CCDC27: variants seen among roughly 807,000 people sequenced by gnomAD.
The protein encoded by CCDC27 is coiled-coil domain containing 27, also known as coiled-coil domain-containing protein 27.
CCDC27 carries 80 observed loss-of-function variants against 80.3 expected under a neutral mutation model. The observed-to-expected ratio is 1.00, with a 90% CI of 0.83 to 1.20. The LOEUF (loss-of-function observed/expected upper bound fraction) is 1.20, where lower values mean the gene tolerates loss of function less well. Ranked by LOEUF, CCDC27 falls within the 50% of genes most tolerant of loss-of-function variation. The pLI is 0.00. For missense variants in CCDC27, 815 were observed against 809.4 expected, an observed-to-expected ratio of 1.01 and a Z score of -0.08; for synonymous variants, 342 against 334.3, an observed-to-expected ratio of 1.02 and a Z score of -0.25.
At position 3,754,137 on chromosome 1, in the gene CCDC27, C is replaced by T. The variant is rs201785236; in HGVS notation, c.338C>T (p.Ala113Val). 1.9e-6 allele frequency: 3 copies of T among 1,613,668 alleles called. No homozygotes were observed. Among genetic ancestry groups the T allele is most frequent in the Non-Finnish European group, 2.5e-6 (3 of 1,179,852 alleles). Reference protein sequence around the residue: ...YRKTSEPKDAASLTGFMSKME... With the variant: ...YRKTSEPKDAVSLTGFMSKME... Reference sequence around the variant, plus strand: ...TGCCAGAGTGAACCCAAGGATGCCGCCAGCCTCACCGGCTTCATGTCCAAA... The same window carrying T: ...TGCCAGAGTGAACCCAAGGATGCCGTCAGCCTCACCGGCTTCATGTCCAAA... Residue 113 changes from alanine (A) to valine (V), a missense_variant, in exon 2 of 12, where the codon GCC becomes GTC. Physicochemically the swap from Ala to Val is moderately conservative, Grantham distance 64. Transcript: ENST00000294600.
At chr1:3,764,600 C>T (rs1406953700) in intron 8 of CCDC27, among the ~76,000 whole-genome samples, 2 of 152,200 alleles carry the variant, frequency 1.3e-5, no homozygotes. Flanking sequence ...GTCTCACACA[C>T]ATACATAAAT....
chr1:3,756,895 T>C lies in CCDC27; in HGVS notation c.711+5T>C, dbSNP rs1056658456. On this transcript the variant is annotated splice_donor_5th_base_variant and intron_variant, in intron 4 of 11. Transcript: ENST00000294600. ...CTCTCAGTCATCCACGAGAAGGTAC[T>C]GGCGGAGGGGGTGCAAATCCCGGCC... 1.2e-6 allele frequency: 2 copies of C among 1,606,858 alleles called. No individual in the cohort carries two copies. Among genetic ancestry groups the C allele is most frequent in the Admixed American group, 3.3e-5 (2 of 59,852 alleles).
rs1177505656 is a variant in CCDC27 at position 3,761,531 on chromosome 1, G to C, written c.861+101G>C. 4 of 1,396,672 alleles carry C rather than the reference G, an allele frequency of 2.9e-6. No homozygotes were observed. The highest frequency in any genetic ancestry group is 3.9e-6 in the Non-Finnish European group (4 of 1,031,058). The allele number at this position is 1,396,672 out of a possible 1,614,324, so 86.5% of individuals were successfully genotyped here. Reference sequence around the variant, plus strand: ...ACACAGGCCCCTGGCAAACCCCCAGGCCCCCTGGATCCTATCAGGTCCTCA... The same window carrying C: ...ACACAGGCCCCTGGCAAACCCCCAGCCCCCCTGGATCCTATCAGGTCCTCA... On this transcript the variant is annotated intron_variant, in intron 5 of 11. Coordinates refer to ENST00000294600, the MANE Select transcript of CCDC27 (RefSeq NM_152492.3). The surrounding 1 kb of genome is among the most constrained non-coding windows in gnomAD (Gnocchi z 5.0).
intron 3 of CCDC27, 50 bp downstream of exon 3, chr1:3,755,617 C>T (rs778417322): frequency 4.0e-5 from 58 of 1,457,240 alleles, no homozygotes; most frequent in Middle Eastern, 3.5e-4. Flanking sequence ...CCCCTGAGCT[C>T]GAGGCCTGCT....
In CCDC27 at chr1:3,769,989, C is replaced by T. The variant is rs1643322193; in HGVS notation, c.1848+102C>T. On this transcript the variant is annotated intron_variant, in intron 11 of 11. Coordinates refer to ENST00000294600, the MANE Select transcript of CCDC27 (RefSeq NM_152492.3). The surrounding 1 kb of genome is among the most constrained non-coding windows in gnomAD (Gnocchi z 4.6). ...GCCTAGATTCCAGGGACTCTGTTCT[C>T]ATCCTACCTGTGTCACCTATTCACT... is the stretch of plus-strand genomic sequence containing the variant. 4.9e-6 allele frequency: 4 copies of T among 821,060 alleles called. No individual in the cohort carries two copies. The highest frequency in any genetic ancestry group is 8.5e-6 in the Non-Finnish European group (4 of 473,040). 50.9% of individuals were successfully genotyped at this position (821,060 alleles called of 1,614,324 possible).
rs991717235 is a variant in CCDC27 at position 3,766,863 on chromosome 1, A to G, written c.1530+251A>G. ...TTTTTTTTTTTTTTTTTTTTTTGAG[A>G]CAGAGTCCTGCTCCGTCACCAGGCT... On this transcript the variant is annotated intron_variant, in intron 9 of 11. Coordinates refer to ENST00000294600, the MANE Select transcript of CCDC27 (RefSeq NM_152492.3). The surrounding 1 kb of genome is among the most constrained non-coding windows in gnomAD (Gnocchi z 6.1). Among the ~76,000 whole-genome samples, 2 of 115,776 alleles carry G rather than the reference A, an allele frequency of 1.7e-5. No individual in the cohort carries two copies. Among genetic ancestry groups the G allele is most frequent in the African/African-American group, 3.6e-5 (1 of 27,716 alleles). The allele number at this position is 115,776 out of a possible 152,430, so 76.0% of individuals were successfully genotyped here.
chr1:3,754,288 C>T lies in CCDC27; in HGVS notation c.442+47C>T, dbSNP rs763521276. ...CGCCTGTGAAACTGCCTGTCAGAGTCGAGGGGCCGGGGGAGGCCTTCCTGC... is the reference window on the plus strand; with the variant it reads ...CGCCTGTGAAACTGCCTGTCAGAGTTGAGGGGCCGGGGGAGGCCTTCCTGC... On this transcript the variant is annotated intron_variant, in intron 2 of 11. Coordinates refer to ENST00000294600, the MANE Select transcript of CCDC27 (RefSeq NM_152492.3). The T allele has an allele frequency of 1.0e-5, 16 of 1,524,142 alleles. 1 individual carries two copies. The South Asian group carries it at 1.3e-4, about 12-fold the overall frequency. 94.4% of individuals were successfully genotyped at this position (1,524,142 alleles called of 1,614,324 possible). A position where few individuals can be genotyped will look rare whatever the true frequency, so the allele number is the denominator to read the frequency against.
chr1:3,769,251 G>A lies in CCDC27; in HGVS notation c.1744-532G>A, dbSNP rs1643302818. Reference sequence around the variant, plus strand: ...GGATCTTCATGGCAGCAGAAGACGAGAACGCCTTCTGGGTCTGTGCGCGGG... The same window carrying A: ...GGATCTTCATGGCAGCAGAAGACGAAAACGCCTTCTGGGTCTGTGCGCGGG... On this transcript the variant is annotated intron_variant, in intron 10 of 11. Coordinates refer to ENST00000294600, the MANE Select transcript of CCDC27 (RefSeq NM_152492.3). This position sits in a 1 kb window ranked among gnomAD's most constrained non-coding sequence, Gnocchi z 4.6. Among the ~76,000 whole-genome samples the A allele has an allele frequency of 6.6e-6, 1 of 152,176 alleles. No individual in the cohort carries two copies. The highest frequency in any genetic ancestry group is 2.4e-5 in the African/African-American group (1 of 41,436).
chr1:3,755,010 T>C (rs1642917063), intron 2 of CCDC27, among the ~76,000 whole-genome samples: 1 of 152,026 alleles, frequency 6.6e-6, no homozygotes, highest in Admixed American at 6.5e-5. Flanking sequence ...GGCAGGTCTC[T>C]GGGGAGGCTG....
Position 3,763,858 on chromosome 1 carries a change from GC to G in CCDC27, c.1452+24del. On this transcript the variant is annotated intron_variant, in intron 8 of 11. Coordinates refer to ENST00000294600, the MANE Select transcript of CCDC27 (RefSeq NM_152492.3). This position sits in a 1 kb window ranked among gnomAD's most constrained non-coding sequence, Gnocchi z 7.5. ...CAAGGTGGCCGTGCGCTCAGTACCG[GC>G]CTCCGCTCCATGAGCATGGGCCCCA... is the stretch of plus-strand genomic sequence containing the variant. 1 of 1,611,008 alleles carries G rather than the reference GC, an allele frequency of 6.2e-7. No individual in the cohort carries two copies. Among genetic ancestry groups the G allele is most frequent in the Non-Finnish European group, 8.5e-7 (1 of 1,177,940 alleles).
chr1:3,761,424 C>A lies in CCDC27; in HGVS notation c.855C>A (p.Gly285=). The change falls in exon 5 of 12, where the codon GGC becomes GGA. Residue 285 remains glycine, a synonymous_variant. Transcript: ENST00000294600. This position sits in a 1 kb window ranked among gnomAD's most constrained non-coding sequence, Gnocchi z 5.0. ...GKGQETSMSP[G]RREQLSDASL... ...GCCAAGAGACATCCATGTCCCCAGG[C>A]AGGAGGGTGAGCCAGCCCCAGCGGG... The A allele has an allele frequency of 6.2e-7, 1 of 1,613,584 alleles. No homozygotes were observed. The highest frequency in any genetic ancestry group is 1.3e-5 in the African/African-American group (1 of 75,044).
rs368763079 is a variant in CCDC27, at chr1:3,763,770, G to A, written c.1386G>A (p.Thr462=). The change falls in exon 8 of 12, where the codon ACG becomes ACA. Residue 462 remains threonine, a synonymous_variant. Coordinates refer to ENST00000294600, the MANE Select transcript of CCDC27 (RefSeq NM_152492.3). The surrounding 1 kb of genome is among the most constrained non-coding windows in gnomAD (Gnocchi z 7.5). ...FQETQLRKIN[T]ENETLQKELR... ...AAACCCAGCTGCGAAAGATCAATAC[G>A]GAAAATGAGACGCTGCAGAAGGAGC... The A allele has an allele frequency of 6.9e-5, 111 of 1,614,062 alleles. No homozygotes were observed. The highest frequency in any genetic ancestry group is 8.6e-5 in the Non-Finnish European group (102 of 1,180,022).
At position 3,763,735 on chromosome 1, in the gene CCDC27, G is replaced by A. The variant is rs1231462638; in HGVS notation, c.1351G>A (p.Asp451Asn). Residue 451 changes from aspartate to asparagine, a missense_variant, in exon 8 of 12, where the codon GAT becomes AAT. Transcript: ENST00000294600. The surrounding 1 kb of genome is among the most constrained non-coding windows in gnomAD (Gnocchi z 7.5). ...GATTGCGTCTTTACAACAACAAGTG[G>A]ATTTCCAAGAAACCCAGCTGCGAAA... ...GVIASLQQQVDFQETQLRKIN... is the reference protein window; with the variant it reads ...GVIASLQQQVNFQETQLRKIN... 2 of 1,614,000 alleles carry A rather than the reference G, an allele frequency of 1.2e-6. No individual in the cohort carries two copies. Among genetic ancestry groups the A allele is most frequent in the African/African-American group, 1.3e-5 (1 of 74,918 alleles).
intron 2 of CCDC27, among the ~76,000 whole-genome samples, chr1:3,754,527 G>T (rs962482309): frequency 2.0e-5 from 3 of 152,170 alleles, no homozygotes; most frequent in Non-Finnish European, 4.4e-5. Flanking sequence ...AGGGTCAGGG[G>T]CTAGGGGAGT....
intron 1 of CCDC27, among the ~76,000 whole-genome samples, chr1:3,753,071 T>G (rs1276163349): frequency 6.6e-6 from 1 of 152,152 alleles, no homozygotes; most frequent in East Asian, 1.9e-4. Flanking sequence ...CCTCCCCTCT[T>G]GCAGACCTTG....
chr1:3,763,052 T>C lies in CCDC27; in HGVS notation c.955-56T>C, dbSNP rs550867474. ...GCCCCCGCCATGAGCATTAGAGCCC[T>C]CTGCCCTGGGGGTGCCCCGCAGCCC... is the stretch of plus-strand genomic sequence containing the variant. On this transcript the variant is annotated intron_variant, in intron 6 of 11. Coordinates refer to ENST00000294600, the MANE Select transcript of CCDC27 (RefSeq NM_152492.3). This position sits in a 1 kb window ranked among gnomAD's most constrained non-coding sequence, Gnocchi z 7.5. 1.5e-5 allele frequency: 21 copies of C among 1,442,228 alleles called. No individual in the cohort carries two copies. The African/African-American group carries it at 2.9e-4, about 20-fold the overall frequency. The allele number at this position is 1,442,228 out of a possible 1,614,324, so 89.3% of individuals were successfully genotyped here. A position where few individuals can be genotyped will look rare whatever the true frequency, so the allele number is the denominator to read the frequency against.
chr1:3,755,043 C>G (rs72846550), intron 2 of CCDC27, among the ~76,000 whole-genome samples: 16,786 of 152,088 alleles, frequency 0.11, 2,963 homozygotes, highest in African/African-American at 0.38. Context: ...GTGTCCTGGG[C>G]GTGGGGTCTG....
rs1054124389 is a variant in CCDC27 at position 3,760,576 on chromosome 1, A to G, written c.712-705A>G. ...TTGATGTGTCCGGATGTTCATTATCAGTTTAAAATGTTTCTAGCTTTCCTT... is the reference window on the plus strand; with the variant it reads ...TTGATGTGTCCGGATGTTCATTATCGGTTTAAAATGTTTCTAGCTTTCCTT... On this transcript the variant is annotated intron_variant, in intron 4 of 11. Transcript: ENST00000294600. The surrounding 1 kb of genome is among the most constrained non-coding windows in gnomAD (Gnocchi z 4.3). 3.3e-5 allele frequency among the ~76,000 whole-genome samples: 5 copies of G among 152,210 alleles called. No individual in the cohort carries two copies. The highest frequency in any genetic ancestry group is 1.2e-4 in the African/African-American group (5 of 41,456).
chr1:3,754,787 C>T (rs896858818), intron 2 of CCDC27, among the ~76,000 whole-genome samples: 1 of 146,374 alleles, frequency 6.8e-6, no homozygotes, highest in Non-Finnish European at 1.5e-5. Context: ...CCACACAAGA[C>T]ACCATTCTTA....
Sources: allele counts gnomAD v4.1 joint callset (sites outside exome capture counted in the v4.1 genomes callset), GRCh38; gene constraint gnomAD v4.1.1; non-coding constraint Gnocchi (gnomAD v3.1); transcripts MANE v1.5; gene names NCBI Gene and HGNC (gene_info 2026-07-23, HGNC 2026-07-21).